Variants in TMTC1 observed in about 807,000 individuals in gnomAD.
TMTC1 encodes the protein protein O-mannosyl-transferase TMTC1.
In TMTC1, 73 loss-of-function variants were observed where a neutral mutation model predicts 104.8. That is an observed-to-expected ratio of 0.70 (90% CI 0.58 to 0.85). TMTC1 has a LOEUF of 0.85. TMTC1 is among the 40% of genes least tolerant of loss of function. TMTC1 has a pLI of 0.00. For missense variants in TMTC1, 1,035 were observed against 1,096.1 expected, an observed-to-expected ratio of 0.94 and a Z score of 0.79; for synonymous variants, 434 against 428.7, an observed-to-expected ratio of 1.01 and a Z score of -0.15.
intron 5 of TMTC1, among the ~76,000 whole-genome samples, chr12:29,665,183 G>T (rs556973274): frequency 2.6e-5 from 4 of 152,146 alleles, no homozygotes; most frequent in Admixed American, 1.3e-4. Context: ...CAAGGGATTC[G>T]TGAAAAGTCA....
chr12:29,517,333 A>T, intron 14 of TMTC1, 94 bp downstream of exon 14: 1 of 1,406,234 alleles, frequency 7.1e-7, no homozygotes, highest in Non-Finnish European at 9.8e-7. Flanking sequence ...ATATTACGGC[A>T]TTCCAGCTCC....
chr12:29,532,171 C>T (rs2136191494), intron 11 of TMTC1, among the ~76,000 whole-genome samples: 1 of 151,976 alleles, frequency 6.6e-6, no homozygotes, highest in South Asian at 2.1e-4. Flanking sequence ...TTTTTCTAGC[C>T]CTGATCTCTT....
chr12:29,729,148 C>T (rs571134065), intron 5 of TMTC1, among the ~76,000 whole-genome samples: 9 of 151,886 alleles, frequency 5.9e-5, no homozygotes, highest in South Asian at 2.1e-4. Flanking sequence ...TTAAACTCTC[C>T]GTCTCTCAGC....
chr12:29,688,409 G>T (rs761133282), intron 5 of TMTC1, among the ~76,000 whole-genome samples: 2 of 152,150 alleles, frequency 1.3e-5, no homozygotes, highest in Non-Finnish European at 2.9e-5. Context: ...TGGATCCTAT[G>T]CAACTCCCAG....
intron 5 of TMTC1, among the ~76,000 whole-genome samples, chr12:29,745,635 A>AAAAAG (rs1942936227): frequency 6.6e-6 from 1 of 151,546 alleles, no homozygotes; most frequent in Non-Finnish European, 1.5e-5. Context: ...AAAAAAAAAA[A>AAAAAG]AAAAGAAAGA....
At chr12:29,631,458 C>G (rs1591830285) in intron 6 of TMTC1, among the ~76,000 whole-genome samples, 1 of 152,160 alleles carries the variant, frequency 6.6e-6, no homozygotes, top group East Asian at 1.9e-4. Context: ...ATATTTTTTC[C>G]TTACAGATAT....
At chr12:29,627,726 T>C (rs983012065) in intron 6 of TMTC1, among the ~76,000 whole-genome samples, 2 of 148,786 alleles carry the variant, frequency 1.3e-5, no homozygotes, top group South Asian at 2.1e-4. Context: ...TAGGAAAACA[T>C]TGAATGTCCA....
chr12:29,757,830 A>G (rs1371311580), intron 3 of TMTC1, among the ~76,000 whole-genome samples: 2 of 152,086 alleles, frequency 1.3e-5, no homozygotes, highest in Middle Eastern at 3.2e-3. Flanking sequence ...TTGTGCAGGG[A>G]ATCTCCCATT....
chr12:29,666,019 C>T (rs1940262563), intron 5 of TMTC1, among the ~76,000 whole-genome samples: 1 of 151,948 alleles, frequency 6.6e-6, no homozygotes, highest in African/African-American at 2.4e-5. Flanking sequence ...TAAGCCCCAA[C>T]TCTCTCCACT....
chr12:29,709,748 C>A (rs531449885), intron 5 of TMTC1, among the ~76,000 whole-genome samples: 1 of 152,128 alleles, frequency 6.6e-6, no homozygotes, highest in East Asian at 1.9e-4. Context: ...CTCTGCTTTC[C>A]AAAATGTGTT....
chr12:29,558,170 G>A (rs1245938077), intron 9 of TMTC1, among the ~76,000 whole-genome samples: 1 of 152,204 alleles, frequency 6.6e-6, no homozygotes, highest in Non-Finnish European at 1.5e-5. Flanking sequence ...TATATTCAGA[G>A]TGGACATAGT....
chr12:29,536,287 G>C lies in TMTC1; in HGVS notation c.1707C>G (p.Thr569=). Residue 569 remains threonine, a synonymous_variant, in exon 11 of 18, where the codon ACC becomes ACG. Coordinates refer to ENST00000539277, the MANE Select transcript of TMTC1 (RefSeq NM_001193451.2). ...KSQEKKEEAI[T]LLKDSIKYGP... ...CATATTTGATGGAATCCTTCAGTAAGGTGATAGCTTCTTCCTTTTTCTCCT... is the reference window on the plus strand; with the variant it reads ...CATATTTGATGGAATCCTTCAGTAACGTGATAGCTTCTTCCTTTTTCTCCT... 1 of 1,611,842 alleles carries C rather than the reference G, an allele frequency of 6.2e-7. No individual in the cohort carries two copies. Among genetic ancestry groups the C allele is most frequent in the Non-Finnish European group, 8.5e-7 (1 of 1,179,108 alleles).
At chr12:29,530,078 A>G (rs1435669833) in intron 11 of TMTC1, 1 of 152,148 alleles carries the variant, frequency 6.6e-6, no homozygotes, top group African/African-American at 2.4e-5. Flanking sequence ...TTCTCATGCC[A>G]TTTTGCCTTC....
intron 5 of TMTC1, among the ~76,000 whole-genome samples, chr12:29,737,300 C>T (rs1412319484): frequency 6.6e-6 from 1 of 152,162 alleles, no homozygotes; most frequent in Non-Finnish European, 1.5e-5. Context: ...GGGCGGATCA[C>T]TTGAGGTCCG....
At chr12:29,601,010 A>C (rs1946549962) in intron 7 of TMTC1, among the ~76,000 whole-genome samples, 3 of 152,264 alleles carry the variant, frequency 2.0e-5, no homozygotes, top group Admixed American at 2.0e-4. Context: ...CAAATGAAGC[A>C]AAACCGAGGT....
intron 11 of TMTC1, among the ~76,000 whole-genome samples, chr12:29,527,569 T>G (rs1029033919): frequency 3.3e-5 from 5 of 152,230 alleles, no homozygotes; most frequent in Non-Finnish European, 7.3e-5. Flanking sequence ...GCTTGAAAAC[T>G]ATCTGTGGCT....
chr12:29,781,872 A>C (rs2120689099), intron 1 of TMTC1, among the ~76,000 whole-genome samples: 1 of 152,216 alleles, frequency 6.6e-6, no homozygotes, highest in African/African-American at 2.4e-5. Flanking sequence ...AAAGAAGAAA[A>C]CCTTCTAGAA....
rs74988771 is a variant in TMTC1, at chr12:29,672,770, G to A, written c.939-39434C>T. On this transcript the variant is annotated intron_variant, in intron 5 of 17. Coordinates refer to ENST00000539277, the MANE Select transcript of TMTC1 (RefSeq NM_001193451.2). ...GCCAAGTAGGACATTTGGCATCCTGGGCTTTTCTGCAGACCACAGCTCCTC... is the reference window on the plus strand; with the variant it reads ...GCCAAGTAGGACATTTGGCATCCTGAGCTTTTCTGCAGACCACAGCTCCTC... Among the ~76,000 whole-genome samples the A allele has an allele frequency of 8.9e-3, 1,356 of 152,250 alleles. 21 individuals are homozygous for A. The highest frequency in any genetic ancestry group is 0.03 in the African/African-American group (1,252 of 41,538).
At chr12:29,696,482 C>T (rs1158937655) in intron 5 of TMTC1, among the ~76,000 whole-genome samples, 2 of 152,118 alleles carry the variant, frequency 1.3e-5, no homozygotes, top group African/African-American at 2.4e-5. Flanking sequence ...CACTCATTTT[C>T]ATGTTAATTT....
Sources: allele counts gnomAD v4.1 joint callset (sites outside exome capture counted in the v4.1 genomes callset), GRCh38; gene constraint gnomAD v4.1.1; transcripts MANE v1.5; gene names NCBI Gene and HGNC (gene_info 2026-07-23, HGNC 2026-07-21).